Variants in DMD observed in about 807,000 individuals in gnomAD.
DMD encodes the protein mutant dystrophin.
DMD carries 63 observed loss-of-function variants against 330.1 expected under a neutral mutation model. The ratio of observed to expected loss-of-function variants is 0.19; its 90% CI spans 0.16 to 0.24. DMD has a LOEUF of 0.24. Among genes scored for constraint, DMD ranks in the 10% least tolerant of loss-of-function variants. DMD has a pLI of 1.00. For synonymous variants in DMD, 1,223 were observed against 959.8 expected (o/e 1.27, Z -5.07); for missense variants, 3,344 against 2,684.1 (o/e 1.25, Z -5.43).
intron 11 of DMD, among the ~76,000 whole-genome samples, chrX:32,620,800 T>C (rs765422492): frequency 8.9e-6 from 1 of 112,010 alleles, no homozygotes; most frequent in South Asian, 3.7e-4. Flanking sequence ...ATAATTAGAA[T>C]ATAAGAAATC....
intron 78 of DMD, 112 bp downstream of exon 78, chrX:31,126,530 A>C (rs1169433856): frequency 4.7e-6 from 3 of 635,565 alleles, no homozygotes; most frequent in Non-Finnish European, 7.9e-6. Flanking sequence ...TGATGACACA[A>C]TGTGTAATAC....
intron 62 of DMD, among the ~76,000 whole-genome samples, chrX:31,313,081 T>A (rs2055660156): frequency 9.4e-6 from 1 of 106,601 alleles, no homozygotes; most frequent in South Asian, 4.2e-4. Flanking sequence ...TTGGTGTGTT[T>A]TTTTTTTTTA....
At chrX:31,212,998 T>C (rs2044916756) in intron 64 of DMD, among the ~76,000 whole-genome samples, 2 of 112,679 alleles carry the variant, frequency 1.8e-5, no homozygotes, top group African/African-American at 3.2e-5. Flanking sequence ...AATAATTCTG[T>C]GATCTAATTA....
At chrX:31,325,165 C>A (rs2056690216) in intron 61 of DMD, among the ~76,000 whole-genome samples, 1 of 111,357 alleles carries the variant, frequency 9.0e-6, no homozygotes, top group Admixed American at 9.5e-5. Context: ...TTTCTTTTCC[C>A]TTCCTCCTGC....
intron 43 of DMD, among the ~76,000 whole-genome samples, chrX:32,245,966 C>A (rs1368896638): frequency 1.0e-5 from 1 of 99,779 alleles, no homozygotes; most frequent in Non-Finnish European, 2.0e-5. Context: ...CCTTCTCCTG[C>A]CTGATTGCCC....
chrX:31,801,374 C>T (rs1045709591), intron 50 of DMD, among the ~76,000 whole-genome samples: 6 of 111,188 alleles, frequency 5.4e-5, no homozygotes, highest in Admixed American at 9.5e-5. Flanking sequence ...CCCCTGGGTC[C>T]CTCCCACAAC....
chrX:31,334,594 C>T (rs1034801558), intron 61 of DMD, among the ~76,000 whole-genome samples: 11 of 110,025 alleles, frequency 1.0e-4, no homozygotes, highest in African/African-American at 3.6e-4. Context: ...CTCTTTTTAT[C>T]TTCATATTTC....
chrX:31,123,184 C>CACTT (rs1165172710), intron 78 of DMD, among the ~76,000 whole-genome samples: 3 of 111,687 alleles, frequency 2.7e-5, no homozygotes, highest in East Asian at 5.6e-4. Flanking sequence ...CACGGGCAGG[C>CACTT]ACTTAAACAG....
chrX:33,252,616 G>T (rs942766304), intron 1 of DMD, among the ~76,000 whole-genome samples: 22 of 110,260 alleles, frequency 2.0e-4, no homozygotes, highest in Non-Finnish European at 3.6e-4. Flanking sequence ...GGGTTGAATG[G>T]GGGGGGTGAC....
chrX:32,178,981 T>C (rs997966794), intron 44 of DMD, among the ~76,000 whole-genome samples: 5 of 98,151 alleles, frequency 5.1e-5, no homozygotes, highest in South Asian at 4.8e-4. Context: ...TCTCTCTCTC[T>C]CCCTCTCCTC....
At chrX:33,309,310 A>C (rs1261555747) in intron 1 of DMD, among the ~76,000 whole-genome samples, 1 of 111,631 alleles carries the variant, frequency 9.0e-6, no homozygotes, top group African/African-American at 3.2e-5. Flanking sequence ...CTGTACTTCA[A>C]AATAATGATT....
intron 1 of DMD, among the ~76,000 whole-genome samples, chrX:33,105,480 C>G (rs1478418544): frequency 8.9e-6 from 1 of 112,035 alleles, no homozygotes; most frequent in Non-Finnish European, 1.9e-5. Flanking sequence ...TAACCATCAA[C>G]GTAAACAGAA....
chrX:31,845,654 GGA>G (rs2149530666), intron 48 of DMD, among the ~76,000 whole-genome samples: 1 of 110,639 alleles, frequency 9.0e-6, no homozygotes, highest in African/African-American at 3.3e-5. Flanking sequence ...CGGATGTTCA[GGA>G]AGTATTATTC....
At chrX:32,163,509 T>G in intron 44 of DMD, among the ~76,000 whole-genome samples, 1 of 111,912 alleles carries the variant, frequency 8.9e-6, no homozygotes, top group South Asian at 3.7e-4. Context: ...TGGATGGGTG[T>G]GACAATTAAA....
chrX:32,406,607 T>C (rs1311310344), intron 30 of DMD, among the ~76,000 whole-genome samples: 2 of 111,326 alleles, frequency 1.8e-5, no homozygotes, highest in Non-Finnish European at 3.8e-5. Flanking sequence ...TGAAGCCCAC[T>C]TGGTCATGGT....
At chrX:32,879,491 C>A (rs944763912) in intron 2 of DMD, among the ~76,000 whole-genome samples, 4 of 112,111 alleles carry the variant, frequency 3.6e-5, no homozygotes, top group Non-Finnish European at 7.5e-5. Context: ...ATAAAGATCA[C>A]CATTAATATT....
chrX:32,545,136 A>T, intron 17 of DMD, 23 bp downstream of exon 17: 1 of 1,200,167 alleles, frequency 8.3e-7, no homozygotes, highest in Non-Finnish European at 1.1e-6. Context: ...TCATTTGCAG[A>T]TAAAAGCTTA....
intron 13 of DMD, among the ~76,000 whole-genome samples, chrX:32,588,523 T>C (rs1401518507): frequency 9.0e-6 from 1 of 111,655 alleles, no homozygotes; most frequent in African/African-American, 3.3e-5. Flanking sequence ...GACAAGTCTA[T>C]AGAGACTGGT....
chrX:32,739,505 G>A (rs1162927322), intron 7 of DMD, among the ~76,000 whole-genome samples: 1 of 111,736 alleles, frequency 8.9e-6, no homozygotes, highest in South Asian at 3.6e-4. Flanking sequence ...AAAAGGTATA[G>A]GCAATACTTC....
Sources: allele counts gnomAD v4.1 joint callset (sites outside exome capture counted in the v4.1 genomes callset), GRCh38; gene constraint gnomAD v4.1.1; transcripts MANE v1.5; gene names NCBI Gene and HGNC (gene_info 2026-07-23, HGNC 2026-07-21).